STARD9: variants seen among roughly 807,000 people sequenced by gnomAD.
STARD9 encodes the protein StAR related lipid transfer domain containing 9.
STARD9 carries 346 observed loss-of-function variants against 399.8 expected under a neutral mutation model. The ratio of observed to expected loss-of-function variants is 0.87; its 90% CI spans 0.79 to 0.95. STARD9 has a LOEUF of 0.95. Among genes scored for constraint, STARD9 ranks in the 40% least tolerant of loss-of-function variants. The pLI is 0.00. For synonymous variants in STARD9, 2,203 were observed against 2,143.5 expected (o/e 1.03, Z -0.77); for missense variants, 5,832 against 5,667.5 (o/e 1.03, Z -0.93).
intron 9 of STARD9, among the ~76,000 whole-genome samples, chr15:42,655,847 T>C (rs1317731786): frequency 6.6e-6 from 1 of 151,988 alleles, no homozygotes; most frequent in East Asian, 1.9e-4. Context: ...AGGACTAATA[T>C]CCAGACTCTA....
chr15:42,588,116 G>A (rs1396858127), intron 3 of STARD9, among the ~76,000 whole-genome samples: 1 of 152,158 alleles, frequency 6.6e-6, no homozygotes, highest in Non-Finnish European at 1.5e-5. Flanking sequence ...GCATACGTGT[G>A]GCTGTTCTGT....
Position 42,690,891 on chromosome 15 carries a change from G to T in STARD9, c.9313G>T (p.Ala3105Ser). 1 of 1,537,190 alleles carries T rather than the reference G, an allele frequency of 6.5e-7. No homozygotes were observed. Among genetic ancestry groups the T allele is most frequent in the Non-Finnish European group, 8.7e-7 (1 of 1,146,894 alleles). Reference protein sequence around the residue: ...STELEAASFPAGMYSEPLRQF... With the variant: ...STELEAASFPSGMYSEPLRQF... ...AGAACTTGAGGCTGCCTCTTTCCCT[G>T]CAGGCATGTACTCTGAGCCCCTGAG... The change falls in exon 23 of 33, where the codon GCA (alanine) becomes TCA (serine). Residue 3105 changes from alanine (A) to serine (S), a missense_variant. Ala to Ser is a moderately conservative substitution (Grantham distance 99). Coordinates refer to ENST00000290607, the MANE Select transcript of STARD9 (RefSeq NM_020759.3).
In STARD9 at chr15:42,690,904, C is replaced by CT. The variant is rs2060676297; in HGVS notation, c.9327dup (p.Glu3110Ter). The CT allele has an allele frequency of 6.5e-7, 1 of 1,537,096 alleles. No homozygotes were observed. The highest frequency in any genetic ancestry group is 2.0e-5 in the Admixed American group (1 of 50,980). ...GCCTCTTTCCCTGCAGGCATGTACTCTGAGCCCCTGAGGCAGTTTAGGGAC... is the reference window on the plus strand; with the variant it reads ...GCCTCTTTCCCTGCAGGCATGTACTCTTGAGCCCCTGAGGCAGTTTAGGGAC... On this transcript the variant is annotated frameshift_variant, in exon 23 of 33. Coordinates refer to ENST00000290607, the MANE Select transcript of STARD9 (RefSeq NM_020759.3). LOFTEE classifies it high-confidence loss of function.
chr15:42,601,078 T>C (rs879234971), intron 3 of STARD9, among the ~76,000 whole-genome samples: 2 of 151,992 alleles, frequency 1.3e-5, no homozygotes, highest in African/African-American at 2.4e-5. Context: ...TCTTAACGAG[T>C]ATGCTGCCTT....
rs2060718541 is a variant in STARD9 at position 42,691,973 on chromosome 15, C to CA, written c.10396dup (p.Ile3466AsnfsTer72). On this transcript the variant is annotated frameshift_variant, in exon 23 of 33. Coordinates refer to ENST00000290607, the MANE Select transcript of STARD9 (RefSeq NM_020759.3). LOFTEE classifies it high-confidence loss of function. ...GAATGCTGCACTTTGGCTCCAGTGA[C>CA]ATCAGTCCCTATGCGCTGCCGTGGC... 6.5e-7 allele frequency: 1 copy of CA among 1,537,276 alleles called. No homozygotes were observed. Among genetic ancestry groups the CA allele is most frequent in the African/African-American group, 1.4e-5 (1 of 73,180 alleles).
Position 42,685,702 on chromosome 15 carries a change from G to T in STARD9, c.4124G>T (p.Gly1375Val), listed in dbSNP as rs1199013230. The change falls in exon 23 of 33, where the codon GGA (glycine) becomes GTA (valine). Residue 1375 changes from glycine (G) to valine (V), a missense_variant. Gly to Val is a moderately radical substitution (Grantham distance 109). Around this residue, in one of 2 missense-constraint regions of STARD9, gnomAD observed 5,828 missense variants for 5,651.1 expected, o/e 1.03. Coordinates refer to ENST00000290607, the MANE Select transcript of STARD9 (RefSeq NM_020759.3). Reference sequence around the variant, plus strand: ...CACTCCTGTAAGGGGGAGAGGCCTGGATACTGGCCAAATACTGAGGAACTA... The same window carrying T: ...CACTCCTGTAAGGGGGAGAGGCCTGTATACTGGCCAAATACTGAGGAACTA... ...EFHSCKGERP[G>V]YWPNTEELKP... The T allele has an allele frequency of 1.3e-6, 2 of 1,537,254 alleles. No homozygotes were observed. The highest frequency in any genetic ancestry group is 1.7e-6 in the Non-Finnish European group (2 of 1,146,994).
chr15:42,665,660 A>G (rs2060085936), intron 14 of STARD9, 126 bp from the exon 15 acceptor site: 1 of 788,454 alleles, frequency 1.3e-6, no homozygotes, highest in African/African-American at 1.7e-5. Context: ...TAGGCTCCTG[A>G]TTTCTTATTT....
intron 3 of STARD9, among the ~76,000 whole-genome samples, chr15:42,631,544 T>A (rs993748106): frequency 6.6e-6 from 1 of 151,974 alleles, no homozygotes; most frequent in African/African-American, 2.4e-5. Flanking sequence ...GACGCCATTG[T>A]ACTCTAGTCT....
intron 26 of STARD9, among the ~76,000 whole-genome samples, chr15:42,711,199 G>T (rs2061213331): frequency 6.6e-6 from 1 of 151,510 alleles, no homozygotes; most frequent in Non-Finnish European, 1.5e-5. Context: ...GAGTGCAGTG[G>T]CACGATCTCG....
At chr15:42,649,744 C>T (rs892578484) in intron 7 of STARD9, among the ~76,000 whole-genome samples, 1 of 150,880 alleles carries the variant, frequency 6.6e-6, no homozygotes. Flanking sequence ...TATTTTTAGT[C>T]GAGGTGGGGT....
chr15:42,588,296 A>G (rs530364055), intron 3 of STARD9, among the ~76,000 whole-genome samples: 1 of 152,128 alleles, frequency 6.6e-6, no homozygotes, highest in African/African-American at 2.4e-5. Flanking sequence ...TTTTACATTT[A>G]TGTGTCTTAA....
rs1436162714 is a variant in STARD9, at chr15:42,693,243, A to G, written c.11665A>G (p.Thr3889Ala). 9.1e-6 allele frequency: 14 copies of G among 1,536,844 alleles called. No homozygotes were observed. In the East Asian group the frequency reaches 3.2e-4, roughly 35 times the overall value. Residue 3889 changes from threonine (T) to alanine (A), a missense_variant, in exon 23 of 33, where the codon ACA (threonine) becomes GCA (alanine). Physicochemically the swap from Thr to Ala is moderately conservative, Grantham distance 58. This residue lies in a region of STARD9 where 5,828 missense variants were observed against 5,651.1 expected (regional missense o/e 1.03). Transcript: ENST00000290607. Reference protein sequence around the residue: ...DSRVQKKLGPTSALFVDRASS... With the variant: ...DSRVQKKLGPASALFVDRASS... ...CAGGGTCCAGAAGAAGCTGGGCCCC[A>G]CAAGTGCTTTGTTCGTGGACAGGGC...
At chr15:42,603,812 C>T (rs1001011232) in intron 3 of STARD9, among the ~76,000 whole-genome samples, 3 of 152,046 alleles carry the variant, frequency 2.0e-5, no homozygotes, top group Non-Finnish European at 4.4e-5. Context: ...TGGGTGGCAC[C>T]AGCTGGTCAT....
chr15:42,642,866 G>A (rs1165572335), intron 7 of STARD9, among the ~76,000 whole-genome samples: 4 of 151,794 alleles, frequency 2.6e-5, no homozygotes, highest in African/African-American at 7.3e-5. Context: ...TGGCACGATC[G>A]TGACTCACTG....
At chr15:42,701,282 A>G (rs1241627424) in intron 26 of STARD9, among the ~76,000 whole-genome samples, 1 of 152,148 alleles carries the variant, frequency 6.6e-6, no homozygotes, top group Non-Finnish European at 1.5e-5. Context: ...TCTATGAAGA[A>G]TGTTATTCGT....
At chr15:42,676,082 G>A (rs1272569664) in intron 20 of STARD9, 107 bp downstream of exon 20, 4 of 866,746 alleles carry the variant, frequency 4.6e-6, no homozygotes, top group East Asian at 2.7e-5. Context: ...TAGCAGCCAA[G>A]GTCTGAATGA....
intron 26 of STARD9, among the ~76,000 whole-genome samples, chr15:42,709,267 G>C (rs1442428196): frequency 6.6e-6 from 1 of 152,146 alleles, no homozygotes; most frequent in Non-Finnish European, 1.5e-5. Context: ...GGTGGTGCAT[G>C]CCTGTGGTCC....
chr15:42,618,073 G>A (rs748629198), intron 3 of STARD9, among the ~76,000 whole-genome samples: 6 of 151,574 alleles, frequency 4.0e-5, no homozygotes, highest in African/African-American at 7.3e-5. Context: ...CCTTCATTTA[G>A]TACACACTTT....
rs778690563 is a variant in STARD9 at position 42,685,632 on chromosome 15, G to C, written c.4054G>C (p.Gly1352Arg). The change falls in exon 23 of 33, where the codon GGA (glycine) becomes CGA (arginine). Residue 1352 changes from glycine to arginine, a missense_variant. Coordinates refer to ENST00000290607, the MANE Select transcript of STARD9 (RefSeq NM_020759.3). ...TAAGATCAACCCCAGCAGCCCCCCA[G>C]GAATAGTGGGTTCTTTATGTCCAAG... The part of the protein sequence containing the change: ...DSKINPSSPP[G>R]IVGSLCPSPD... The C allele has an allele frequency of 1.3e-6, 2 of 1,537,218 alleles. No individual in the cohort carries two copies. The highest frequency in any genetic ancestry group is 1.7e-6 in the Non-Finnish European group (2 of 1,146,942).
Sources: allele counts gnomAD v4.1 joint callset (sites outside exome capture counted in the v4.1 genomes callset), GRCh38; gene constraint gnomAD v4.1.1; regional missense constraint gnomAD v4.1.1; transcripts MANE v1.5; gene names NCBI Gene and HGNC (gene_info 2026-07-23, HGNC 2026-07-21).